The following PTPRM variants were observed in gnomAD, a reference collection of about 807,000 sequenced individuals.
PTPRM encodes protein tyrosine phosphatase receptor type M, also known as receptor-type tyrosine-protein phosphatase mu.
A neutral mutation model predicts 186.7 loss-of-function variants in PTPRM; 47 were observed. The ratio of observed to expected loss-of-function variants is 0.25; its 90% confidence interval spans 0.20 to 0.32. PTPRM has a LOEUF of 0.32. Among genes scored for constraint, PTPRM ranks in the 10% least tolerant of loss-of-function variants. The probability of loss-of-function intolerance (pLI) is 1.00; values close to 1 mark genes in which losing one functional copy is unlikely to be tolerated. For synonymous variants in PTPRM, 668 were observed against 674.9 expected, an observed-to-expected ratio of 0.99 and a Z score of 0.16; for missense variants, 1,494 against 1,865.0, an observed-to-expected ratio of 0.80 and a Z score of 3.66.
intron 2 of PTPRM, among the ~76,000 whole-genome samples, chr18:7,809,977 A>G (rs1407170430): frequency 6.6e-6 from 1 of 152,186 alleles, no homozygotes; most frequent in Non-Finnish European, 1.5e-5. Flanking sequence ...TTGACAACAG[A>G]TTGTCCAGAG....
intron 7 of PTPRM, among the ~76,000 whole-genome samples, chr18:8,013,407 A>G (rs1403319440): frequency 1.3e-5 from 2 of 152,180 alleles, no homozygotes; most frequent in Non-Finnish European, 2.9e-5. Flanking sequence ...TTTGTATGTT[A>G]TGTGTTTCAC....
At chr18:7,742,414 C>T (rs1008047656) in intron 1 of PTPRM, among the ~76,000 whole-genome samples, 8 of 152,176 alleles carry the variant, frequency 5.3e-5, no homozygotes, top group African/African-American at 1.7e-4. Flanking sequence ...TTTTTCCTAT[C>T]CATTCACAAG....
intron 11 of PTPRM, among the ~76,000 whole-genome samples, chr18:8,101,268 G>A (rs2091279755): frequency 6.6e-6 from 1 of 152,202 alleles, no homozygotes; most frequent in Non-Finnish European, 1.5e-5. Context: ...TCAAAGGACA[G>A]CTGGGAGAAT....
At chr18:7,955,498 A>T (rs2053248603) in intron 7 of PTPRM, 84 bp downstream of exon 7, 2 of 1,473,878 alleles carry the variant, frequency 1.4e-6, no homozygotes, top group Non-Finnish European at 1.8e-6. Context: ...GATGCCTAGC[A>T]CGCTTCCCCT....
chr18:8,177,160 A>G (rs1362465576), intron 14 of PTPRM, among the ~76,000 whole-genome samples: 1 of 152,210 alleles, frequency 6.6e-6, no homozygotes, highest in African/African-American at 2.4e-5. Context: ...TAACCTTTAT[A>G]AAAGTATGAG....
chr18:7,689,118 A>C (rs941657467), intron 1 of PTPRM, among the ~76,000 whole-genome samples: 3 of 150,800 alleles, frequency 2.0e-5, no homozygotes, highest in Non-Finnish European at 4.4e-5. Flanking sequence ...GTATGTAGGT[A>C]ATTCAAGTAT....
intron 7 of PTPRM, among the ~76,000 whole-genome samples, chr18:8,016,851 G>T (rs1375311088): frequency 6.6e-6 from 1 of 152,164 alleles, no homozygotes; most frequent in African/African-American, 2.4e-5. Context: ...TCCAAGCAGA[G>T]AGCTGAAGTG....
At chr18:7,650,566 T>A (rs2038675826) in intron 1 of PTPRM, among the ~76,000 whole-genome samples, 1 of 152,032 alleles carries the variant, frequency 6.6e-6, no homozygotes, top group Non-Finnish European at 1.5e-5. Context: ...AAAAGTTTAT[T>A]TGAAGCACGT....
At chr18:7,644,025 A>G (rs1293388712) in intron 1 of PTPRM, among the ~76,000 whole-genome samples, 1 of 152,206 alleles carries the variant, frequency 6.6e-6, no homozygotes, top group Non-Finnish European at 1.5e-5. Context: ...TTCTCTTTTC[A>G]AATGAATTTC....
At chr18:7,756,132 T>C (rs1338250010) in intron 1 of PTPRM, among the ~76,000 whole-genome samples, 1 of 152,180 alleles carries the variant, frequency 6.6e-6, no homozygotes, top group Non-Finnish European at 1.5e-5. Context: ...AGCATTTCAA[T>C]TTTGAAGAGA....
At chr18:7,884,164 A>T (rs2048648156) in intron 2 of PTPRM, among the ~76,000 whole-genome samples, 1 of 152,062 alleles carries the variant, frequency 6.6e-6, no homozygotes. Flanking sequence ...GAGCCACATA[A>T]TTTTAAAAAG....
At chr18:8,021,767 G>A (rs2085250871) in intron 7 of PTPRM, among the ~76,000 whole-genome samples, 1 of 152,034 alleles carries the variant, frequency 6.6e-6, no homozygotes, top group Admixed American at 6.6e-5. Context: ...TATTTTGGTG[G>A]AGATGGGATC....
chr18:8,290,308 ACT>A lies in PTPRM; in HGVS notation c.2755-6057_2755-6056del, dbSNP rs1568677308. Among the ~76,000 whole-genome samples the A allele has an allele frequency of 3.3e-5, 5 of 152,194 alleles. No homozygotes were observed. The South Asian group carries it at 1.0e-3, about 32-fold the overall frequency. ...ATTTCAGAAGCATCTAAAAAACTTGACTCTGCACTGCCTGAAAACATACTGCA... is the reference window on the plus strand; with the variant it reads ...ATTTCAGAAGCATCTAAAAAACTTGACTGCACTGCCTGAAAACATACTGCA... On this transcript the variant is annotated intron_variant, in intron 19 of 32. Transcript: ENST00000580170.
At chr18:7,890,582 T>A (rs1240069901) in intron 3 of PTPRM, among the ~76,000 whole-genome samples, 2 of 152,158 alleles carry the variant, frequency 1.3e-5, no homozygotes, top group Non-Finnish European at 2.9e-5. Context: ...ATTGTTAAGA[T>A]CTTTTTAGAG....
intron 14 of PTPRM, among the ~76,000 whole-genome samples, chr18:8,151,692 GAAAAA>G (rs1242594668): frequency 1.9e-5 from 2 of 105,262 alleles, no homozygotes; most frequent in East Asian, 3.1e-4. Flanking sequence ...CTGGGGTATG[GAAAAA>G]AAAAAAAAAA....
intron 32 of PTPRM, among the ~76,000 whole-genome samples, chr18:8,400,193 C>T (rs1355049044): frequency 1.3e-5 from 2 of 152,210 alleles, no homozygotes; most frequent in Non-Finnish European, 2.9e-5. Context: ...AGCATCTCCT[C>T]AGTGGTTCTC....
At chr18:7,713,521 T>A (rs941084156) in intron 1 of PTPRM, among the ~76,000 whole-genome samples, 1 of 152,044 alleles carries the variant, frequency 6.6e-6, no homozygotes, top group Non-Finnish European at 1.5e-5. Flanking sequence ...CACATAACAA[T>A]ATTAACCTTA....
Position 8,323,983 on chromosome 18 carries a change from A to G in PTPRM, c.2956+4769A>G, listed in dbSNP as rs559429351. On this transcript the variant is annotated intron_variant, in intron 22 of 32. Transcript: ENST00000580170. ...GAATTATAGTAATTCTATGGACCTC[A>G]GGTTATGAACTTTACTTTGGTCAGA... 2.9e-3 allele frequency among the ~76,000 whole-genome samples: 442 copies of G among 152,240 alleles called. 2 individuals carry two copies. The highest frequency in any genetic ancestry group is 9.9e-3 in the African/African-American group (413 of 41,544).
At chr18:8,127,690 T>C (rs1478879298) in intron 13 of PTPRM, among the ~76,000 whole-genome samples, 1 of 152,146 alleles carries the variant, frequency 6.6e-6, no homozygotes, top group Non-Finnish European at 1.5e-5. Context: ...CCCTGAAATA[T>C]GTAGCTTTAG....
Sources: allele counts gnomAD v4.1 joint callset (sites outside exome capture counted in the v4.1 genomes callset), GRCh38; gene constraint gnomAD v4.1.1; transcripts MANE v1.5; gene names NCBI Gene and HGNC (gene_info 2026-07-23, HGNC 2026-07-21).